Variants in TRAPPC12 observed in about 807,000 individuals in gnomAD.
The protein encoded by TRAPPC12 is TPR repeat protein 15.
A neutral mutation model predicts 69.2 loss-of-function variants in TRAPPC12; 61 were observed. The observed-to-expected ratio is 0.88, with a 90% CI of 0.72 to 1.09. TRAPPC12 has a LOEUF of 1.09. TRAPPC12 is among the 50% of genes least tolerant of loss of function. TRAPPC12 has a pLI of 0.00. For missense variants in TRAPPC12, 1,101 were observed against 1,016.4 expected (o/e 1.08, Z -1.13); for synonymous variants, 469 against 438.9 (o/e 1.07, Z -0.86).
At chr2:3,433,985 C>G (rs1663611998) in intron 5 of TRAPPC12, among the ~76,000 whole-genome samples, 1 of 152,180 alleles carries the variant, frequency 6.6e-6, no homozygotes, top group Non-Finnish European at 1.5e-5. Context: ...GACAACCACC[C>G]TCAGCATGGA....
intron 2 of TRAPPC12, among the ~76,000 whole-genome samples, chr2:3,390,788 C>T: frequency 6.6e-6 from 1 of 152,090 alleles, no homozygotes; most frequent in African/African-American, 2.4e-5. Flanking sequence ...ATAGGTGGAC[C>T]ACTCTGGCGA....
At chr2:3,443,674 C>A in intron 5 of TRAPPC12, 105 bp from the exon 6 acceptor site, 1 of 805,160 alleles carries the variant, frequency 1.2e-6, no homozygotes, top group Non-Finnish European at 2.2e-6. Context: ...AGGGATCTGT[C>A]ATCACTTCTG....
intron 6 of TRAPPC12, among the ~76,000 whole-genome samples, chr2:3,446,669 A>G (rs908487312): frequency 6.6e-6 from 1 of 152,382 alleles, no homozygotes; most frequent in African/African-American, 2.4e-5. Context: ...AACAGTGGGC[A>G]CTGCGGGGAC....
At chr2:3,399,305 C>T (rs943208387) in intron 2 of TRAPPC12, among the ~76,000 whole-genome samples, 7 of 152,248 alleles carry the variant, frequency 4.6e-5, no homozygotes, top group Non-Finnish European at 4.4e-5. Flanking sequence ...CTTTACCCAG[C>T]TCGCTGCCCC....
At chr2:3,462,667 A>T (rs1291400658) in intron 8 of TRAPPC12, among the ~76,000 whole-genome samples, 1 of 152,264 alleles carries the variant, frequency 6.6e-6, no homozygotes, top group Non-Finnish European at 1.5e-5. Context: ...AGTGGCATGT[A>T]TTATAAAGCA....
In TRAPPC12 at chr2:3,479,338, C is replaced by T. The variant is rs772858912; in HGVS notation, c.2085C>T (p.Phe695=). Residue 695 remains phenylalanine (F), a synonymous_variant, in exon 12 of 12, where the codon TTC becomes TTT. Transcript: ENST00000324266. The stretch of plus-strand genomic sequence containing the variant: ...ACTACCTGCACGAGAGCGTGCTCTT[C>T]AACCTGACCACCATGTACGAGCTGG... The part of the protein sequence containing the change: ...PRHYLHESVL[F]NLTTMYELES... 6.2e-7 allele frequency: 1 copy of T among 1,614,218 alleles called. No individual in the cohort carries two copies. The highest frequency in any genetic ancestry group is 8.5e-7 in the Non-Finnish European group (1 of 1,180,050).
At chr2:3,461,187 A>C (rs1389107110) in intron 8 of TRAPPC12, among the ~76,000 whole-genome samples, 1 of 152,214 alleles carries the variant, frequency 6.6e-6, no homozygotes, top group Non-Finnish European at 1.5e-5. Flanking sequence ...GGGCTCTGTC[A>C]TGAACCCTGA....
At position 3,395,780 on chromosome 2, in the gene TRAPPC12, A is replaced by C. The variant is rs528251877; in HGVS notation, c.1048-5997A>C. ...AGTCTCACTCTGTCACTCAGGCTGG[A>C]GTGCAGTGGCACAATCTCAGCTCAC... On this transcript the variant is annotated intron_variant, in intron 2 of 11. Transcript: ENST00000324266. Among the ~76,000 whole-genome samples, 5 of 149,968 alleles carry C rather than the reference A, an allele frequency of 3.3e-5. No homozygotes were observed. The South Asian group carries it at 1.0e-3, about 31-fold the overall frequency.
intron 1 of TRAPPC12, among the ~76,000 whole-genome samples, chr2:3,381,121 C>G (rs1660187309): frequency 6.6e-6 from 1 of 152,194 alleles, no homozygotes; most frequent in Non-Finnish European, 1.5e-5. Flanking sequence ...ACTTGGCCTT[C>G]TCTGCTGTAT....
chr2:3,436,188 T>C (rs1224453916), intron 5 of TRAPPC12, among the ~76,000 whole-genome samples: 1 of 152,216 alleles, frequency 6.6e-6, no homozygotes, highest in Non-Finnish European at 1.5e-5. Context: ...TTAATATTAC[T>C]CTTTCAGCTA....
chr2:3,477,847 C>T, intron 10 of TRAPPC12, 52 bp downstream of exon 10: 1 of 1,304,848 alleles, frequency 7.7e-7, no homozygotes. Flanking sequence ...CAGAGGCGTT[C>T]AAGCCCCACT....
chr2:3,476,455 G>A (rs1666294772), intron 9 of TRAPPC12, among the ~76,000 whole-genome samples: 1 of 152,228 alleles, frequency 6.6e-6, no homozygotes, highest in South Asian at 2.1e-4. Flanking sequence ...TGTGGCTGGA[G>A]AGGAATCCTG....
chr2:3,457,815 T>A, intron 7 of TRAPPC12, 122 bp downstream of exon 7: 1 of 1,472,282 alleles, frequency 6.8e-7, no homozygotes, highest in South Asian at 1.4e-5. Flanking sequence ...ACGTGTCCAC[T>A]CGTGCATTTG....
At chr2:3,466,410 G>A (rs774554223) in intron 9 of TRAPPC12, 50 of 470,950 alleles carry the variant, frequency 1.1e-4, no homozygotes, top group East Asian at 3.5e-4. Flanking sequence ...CAGGCCCTGC[G>A]CTGAGCATTT....
intron 1 of TRAPPC12, among the ~76,000 whole-genome samples, chr2:3,382,387 C>T (rs1660257002): frequency 6.6e-6 from 1 of 152,084 alleles, no homozygotes; most frequent in Non-Finnish European, 1.5e-5. Flanking sequence ...CCTGCCTCGG[C>T]CTCCCAAAGT....
intron 6 of TRAPPC12, among the ~76,000 whole-genome samples, chr2:3,444,237 G>A (rs116311882): frequency 0.016 from 2,376 of 152,342 alleles, 70 homozygotes; most frequent in African/African-American, 0.055. Flanking sequence ...GTGCCCACAC[G>A]CACCTGCCAC....
intron 4 of TRAPPC12, 115 bp downstream of exon 4, chr2:3,422,109 C>T (rs1662833219): frequency 1.3e-6 from 1 of 778,824 alleles, no homozygotes; most frequent in Non-Finnish European, 2.1e-6. Flanking sequence ...TATCCTGCTT[C>T]TTTCTCTCCT....
chr2:3,387,985 A>T lies in TRAPPC12; in HGVS notation c.362A>T (p.Glu121Val). ...GAGGCCGACGGCGACTGTGCCCCCG[A>T]GGACGCGGCACCCAGTAGCGGAGGG... The part of the protein sequence containing the change: ...SGEADGDCAP[E>V]DAAPSSGGAP... The change falls in exon 2 of 12, where the codon GAG becomes GTG. Residue 121 changes from glutamate (E) to valine (V), a missense_variant. By Grantham distance (121) the Glu-to-Val change is moderately radical. Transcript: ENST00000324266. The T allele has an allele frequency of 2.0e-6, 3 of 1,473,148 alleles. No individual in the cohort carries two copies. Among genetic ancestry groups the T allele is most frequent in the Non-Finnish European group, 8.9e-7 (1 of 1,118,724 alleles). The allele number at this position is 1,473,148 out of a possible 1,614,324, so 91.3% of individuals were successfully genotyped here.
chr2:3,423,083 C>T (rs1430330574), intron 4 of TRAPPC12, among the ~76,000 whole-genome samples: 1 of 152,176 alleles, frequency 6.6e-6, no homozygotes, highest in East Asian at 1.9e-4. Context: ...ACTAGCTCAA[C>T]ACCAATATGG....
Sources: gnomAD v4.1 joint callset for allele counts (sites outside exome capture counted in the v4.1 genomes callset) on GRCh38, gnomAD v4.1.1 for gene constraint, MANE v1.5 for transcripts, NCBI Gene and HGNC (gene_info 2026-07-23, HGNC 2026-07-21) for gene names.